ERO1B: variants seen among roughly 807,000 people sequenced by gnomAD.
ERO1B encodes the protein endoplasmic reticulum oxidoreductase 1 beta.
Under a neutral mutation model 75.3 loss-of-function variants are expected in ERO1B, and 49 were observed. The ratio of observed to expected loss-of-function variants is 0.65; its 90% CI spans 0.52 to 0.83. The LOEUF (loss-of-function observed/expected upper bound fraction) is 0.83. Among genes scored for constraint, ERO1B ranks in the 40% least tolerant of loss-of-function variants. The pLI is 0.00. For synonymous variants in ERO1B, 191 were observed against 192.9 expected (o/e 0.99, Z 0.08); for missense variants, 512 against 560.1 (o/e 0.91, Z 0.87).
intron 2 of ERO1B, among the ~76,000 whole-genome samples, chr1:236,265,708 G>A (rs554421598): frequency 6.2e-4 from 95 of 152,106 alleles, no homozygotes; most frequent in African/African-American, 1.8e-3. Context: ...TGGTCAATAC[G>A]GTCCTACTGT....
intron 5 of ERO1B, among the ~76,000 whole-genome samples, chr1:236,244,382 T>C (rs923712150): frequency 2.6e-5 from 4 of 152,190 alleles, no homozygotes; most frequent in Admixed American, 2.0e-4. Flanking sequence ...ATCAATACAT[T>C]TTTCCAGTTC....
chr1:236,280,799 A>AT lies in ERO1B; in HGVS notation c.102+882dup, dbSNP rs200805599. ...TCAGGCCACCTGAGACCTTCGTTTT[A>AT]TTTTTTTGGCCCTCAGCAGTGCTGC... On this transcript the variant is annotated intron_variant, in intron 1 of 15. Transcript: ENST00000354619. Among the ~76,000 whole-genome samples, 1,085 of 152,196 alleles carry AT rather than the reference A, an allele frequency of 7.1e-3. 12 individuals carry two copies. Among genetic ancestry groups the AT allele is most frequent in the African/African-American group, 0.023 (974 of 41,542 alleles).
At chr1:236,253,598 A>G in intron 2 of ERO1B, 93 bp from the exon 3 acceptor site, 1 of 762,326 alleles carries the variant, frequency 1.3e-6, no homozygotes. Context: ...CATGGTGGTG[A>G]ATAAGAAGGA....
rs57596875 is a variant in ERO1B, at chr1:236,279,504, C to CAAAAAAAA, written c.102+2170_102+2177dup. ...GGTGACACAGAGCGAGACTCCATCT[C>CAAAAAAAA]AAAAAAAAAAAAAAAACAGCACAGT... On this transcript the variant is annotated intron_variant, in intron 1 of 15. Coordinates refer to ENST00000354619, the MANE Select transcript of ERO1B (RefSeq NM_019891.4). Among the ~76,000 whole-genome samples the CAAAAAAAA allele has an allele frequency of 3.4e-4, 27 of 78,510 alleles. 4 individuals are homozygous for CAAAAAAAA. Among genetic ancestry groups the CAAAAAAAA allele is most frequent in the South Asian group, 6.0e-4 (1 of 1,668 alleles). 51.5% of individuals were successfully genotyped at this position (78,510 alleles called of 152,430 possible).
chr1:236,277,828 C>T (rs967944364), intron 1 of ERO1B, among the ~76,000 whole-genome samples: 2 of 152,164 alleles, frequency 1.3e-5, no homozygotes, highest in African/African-American at 2.4e-5. Context: ...ATCTATCCAT[C>T]GAGTTTTAAA....
intron 1 of ERO1B, among the ~76,000 whole-genome samples, chr1:236,281,169 C>G (rs754442506): frequency 6.6e-6 from 1 of 152,138 alleles, no homozygotes; most frequent in Admixed American, 6.5e-5. Flanking sequence ...GAGTAAAAGC[C>G]CAGAAAGCTC....
chr1:236,266,475 G>A (rs1457411035), intron 2 of ERO1B, among the ~76,000 whole-genome samples: 2 of 151,978 alleles, frequency 1.3e-5, no homozygotes, highest in African/African-American at 2.4e-5. Flanking sequence ...GTAGTGGTGT[G>A]GGCCTGTAGT....
chr1:236,242,345 T>G (rs745822302), intron 6 of ERO1B, among the ~76,000 whole-genome samples: 1 of 148,938 alleles, frequency 6.7e-6, no homozygotes, highest in Non-Finnish European at 1.5e-5. Flanking sequence ...AGAGCAAATG[T>G]GAAAGGAGAG....
rs752433158 is a variant in ERO1B at position 236,248,180 on chromosome 1, A to C, written c.431+1705T>G. Among the ~76,000 whole-genome samples the C allele has an allele frequency of 3.2e-4, 48 of 152,206 alleles. 1 individual carries two copies. Among genetic ancestry groups the C allele is most frequent in the Non-Finnish European group, 2.1e-4 (14 of 68,030 alleles). On this transcript the variant is annotated intron_variant, in intron 5 of 15. Coordinates refer to ENST00000354619, the MANE Select transcript of ERO1B (RefSeq NM_019891.4). ...ATTGTAGACATTCATTTGTTGAATGAATAAGAAACTCAAATGTCCAATAAA... is the reference window on the plus strand; with the variant it reads ...ATTGTAGACATTCATTTGTTGAATGCATAAGAAACTCAAATGTCCAATAAA...
intron 13 of ERO1B, among the ~76,000 whole-genome samples, chr1:236,222,565 T>C (rs966774966): frequency 6.6e-6 from 1 of 152,236 alleles, no homozygotes; most frequent in Non-Finnish European, 1.5e-5. Context: ...AGCACCAAAA[T>C]ATGCACTATG....
chr1:236,256,651 C>G (rs1665167683), intron 2 of ERO1B, among the ~76,000 whole-genome samples: 1 of 152,212 alleles, frequency 6.6e-6, no homozygotes, highest in Admixed American at 6.5e-5. Context: ...ATGAGACCTG[C>G]TGGCCCAAAA....
At chr1:236,228,312 G>A (rs1664325194) in intron 10 of ERO1B, among the ~76,000 whole-genome samples, 1 of 152,168 alleles carries the variant, frequency 6.6e-6, no homozygotes, top group South Asian at 2.1e-4. Flanking sequence ...GTGAAAAACA[G>A]GTAACTTTAA....
chr1:236,263,862 G>A (rs1237656423), intron 2 of ERO1B, among the ~76,000 whole-genome samples: 3 of 136,842 alleles, frequency 2.2e-5, no homozygotes, highest in East Asian at 4.4e-4. Flanking sequence ...GGGCTCAAGC[G>A]ATACTTCCAG....
rs964299581 is a variant in ERO1B at position 236,217,050 on chromosome 1, A to G, written c.*1466T>C. The G allele has an allele frequency of 6.6e-6, 1 of 152,112 alleles. No homozygotes were observed. The highest frequency in any genetic ancestry group is 1.5e-5 in the Non-Finnish European group (1 of 67,982). 9.4% of individuals were successfully genotyped at this position (152,112 alleles called of 1,614,324 possible). A position where few individuals can be genotyped will look rare whatever the true frequency, so the allele number is the denominator to read the frequency against. ...TTAATACCCCCACCACATCCCACCA[A>G]GAGATGGCTAAGTATTTTTAAGAGG... On this transcript the variant is annotated 3_prime_UTR_variant, in exon 16 of 16. Coordinates refer to ENST00000354619, the MANE Select transcript of ERO1B (RefSeq NM_019891.4).
chr1:236,244,723 G>GA (rs1336471022), intron 5 of ERO1B, among the ~76,000 whole-genome samples: 1 of 152,052 alleles, frequency 6.6e-6, no homozygotes, highest in African/African-American at 2.4e-5. Flanking sequence ...GCCTAAGCCC[G>GA]AAAAAACATT....
At chr1:236,238,013 GTATTTT>G (rs985893573) in intron 6 of ERO1B, among the ~76,000 whole-genome samples, 1 of 152,086 alleles carries the variant, frequency 6.6e-6, no homozygotes, top group Non-Finnish European at 1.5e-5. Flanking sequence ...TTGGTTTTTT[GTATTTT>G]TAGTAGAGAC....
At chr1:236,261,282 C>T (rs1246770445) in intron 2 of ERO1B, among the ~76,000 whole-genome samples, 2 of 152,242 alleles carry the variant, frequency 1.3e-5, no homozygotes, top group East Asian at 1.9e-4. Context: ...TTCTATTCAA[C>T]ATAGTACTGG....
intron 2 of ERO1B, among the ~76,000 whole-genome samples, chr1:236,255,534 A>G (rs1272902824): frequency 1.3e-5 from 2 of 152,214 alleles, no homozygotes; most frequent in Non-Finnish European, 2.9e-5. Flanking sequence ...GGTATAATAC[A>G]TAGTAGACAC....
chr1:236,255,409 A>G (rs757072907), intron 2 of ERO1B, among the ~76,000 whole-genome samples: 4 of 152,018 alleles, frequency 2.6e-5, no homozygotes, highest in Non-Finnish European at 4.4e-5. Flanking sequence ...ACCCCAACGT[A>G]CTGTTTTACA....
Sources: gnomAD v4.1 joint callset for allele counts (sites outside exome capture counted in the v4.1 genomes callset) on GRCh38, gnomAD v4.1.1 for gene constraint, MANE v1.5 for transcripts, NCBI Gene and HGNC (gene_info 2026-07-23, HGNC 2026-07-21) for gene names.